Variants in CNTNAP2 observed in about 807,000 individuals in gnomAD.
CNTNAP2 encodes contactin-associated protein-like 2.
CNTNAP2 carries 98 observed loss-of-function variants against 155.2 expected under a neutral mutation model. The ratio of observed to expected loss-of-function variants is 0.63; its 90% confidence interval spans 0.54 to 0.75. The LOEUF (loss-of-function observed/expected upper bound fraction) is 0.75. CNTNAP2 is among the 30% of genes least tolerant of loss of function. The probability of loss-of-function intolerance (pLI) is 0.00; values close to 1 mark genes in which losing one functional copy is unlikely to be tolerated. For missense variants in CNTNAP2, 1,727 were observed against 1,688.1 expected, an observed-to-expected ratio of 1.02 and a Z score of -0.40; for synonymous variants, 651 against 631.2, an observed-to-expected ratio of 1.03 and a Z score of -0.47.
At chr7:147,050,675 C>G (rs770118527) in intron 4 of CNTNAP2, among the ~76,000 whole-genome samples, 18 of 152,166 alleles carry the variant, frequency 1.2e-4, no homozygotes, top group Non-Finnish European at 2.1e-4. Context: ...TCTCATTCTT[C>G]CCAGGCAAGA....
chr7:147,291,533 T>A (rs1805312310), intron 8 of CNTNAP2, among the ~76,000 whole-genome samples: 1 of 152,214 alleles, frequency 6.6e-6, no homozygotes, highest in South Asian at 2.1e-4. Context: ...TTTCCTTGTT[T>A]GAATATATAC....
chr7:146,278,116 C>T (rs1421024840), intron 1 of CNTNAP2, among the ~76,000 whole-genome samples: 7 of 152,200 alleles, frequency 4.6e-5, no homozygotes, highest in African/African-American at 1.7e-4. Flanking sequence ...TGATAAGCAA[C>T]CTCTTGAGAC....
intron 1 of CNTNAP2, among the ~76,000 whole-genome samples, chr7:146,396,080 C>T (rs150446081): frequency 1.1e-4 from 16 of 152,218 alleles, no homozygotes; most frequent in Middle Eastern, 6.8e-3. Flanking sequence ...TCCCCTTCAT[C>T]CCTGCCCTGA....
At chr7:147,291,981 T>C (rs1805323634) in intron 8 of CNTNAP2, among the ~76,000 whole-genome samples, 1 of 152,212 alleles carries the variant, frequency 6.6e-6, no homozygotes, top group Admixed American at 6.5e-5. Flanking sequence ...TAGTATATTT[T>C]AGTATATTCT....
At chr7:147,936,409 A>G (rs1016742226) in intron 14 of CNTNAP2, among the ~76,000 whole-genome samples, 1 of 152,116 alleles carries the variant, frequency 6.6e-6, no homozygotes, top group African/African-American at 2.4e-5. Flanking sequence ...TAATCTGAAG[A>G]CAGAGAAAAA....
chr7:147,949,317 G>C (rs1425669207), intron 14 of CNTNAP2, among the ~76,000 whole-genome samples: 3 of 151,912 alleles, frequency 2.0e-5, no homozygotes, highest in Non-Finnish European at 4.4e-5. Context: ...TTCACAATGA[G>C]TAGGCTGAGG....
intron 13 of CNTNAP2, among the ~76,000 whole-genome samples, chr7:147,736,079 T>G (rs377545000): frequency 0.11 from 13,460 of 127,056 alleles, 1,059 homozygotes; most frequent in Middle Eastern, 0.26. Context: ...ATTAGCTGGT[T>G]ATTTTGCTCG....
intron 1 of CNTNAP2, among the ~76,000 whole-genome samples, chr7:146,758,558 A>C (rs1023141552): frequency 6.6e-6 from 1 of 152,184 alleles, no homozygotes; most frequent in African/African-American, 2.4e-5. Flanking sequence ...GAGGCTTTGC[A>C]ATCATGGCAG....
chr7:146,364,735 T>C (rs1396046594), intron 1 of CNTNAP2, among the ~76,000 whole-genome samples: 1 of 152,222 alleles, frequency 6.6e-6, no homozygotes, highest in Non-Finnish European at 1.5e-5. Context: ...CAAAGATAAT[T>C]AGACACAGCC....
intron 1 of CNTNAP2, among the ~76,000 whole-genome samples, chr7:146,702,964 C>A (rs1217709477): frequency 1.3e-5 from 2 of 152,102 alleles, no homozygotes; most frequent in African/African-American, 4.8e-5. Context: ...ATCTTATATG[C>A]ATATTGAGAG....
At chr7:147,145,084 TAA>T (rs1801674732) in intron 8 of CNTNAP2, among the ~76,000 whole-genome samples, 1 of 152,210 alleles carries the variant, frequency 6.6e-6, no homozygotes, top group Non-Finnish European at 1.5e-5. Context: ...AAACTTGTAT[TAA>T]GTGTTTGATT....
At chr7:148,363,954 C>A (rs1009969086) in intron 21 of CNTNAP2, among the ~76,000 whole-genome samples, 1 of 152,148 alleles carries the variant, frequency 6.6e-6, no homozygotes, top group African/African-American at 2.4e-5. Context: ...AGCACCCGGG[C>A]CAGTGGCTGC....
At chr7:148,094,945 T>C (rs1803930394) in intron 15 of CNTNAP2, among the ~76,000 whole-genome samples, 1 of 152,074 alleles carries the variant, frequency 6.6e-6, no homozygotes. Flanking sequence ...AGTGGCATAG[T>C]GGAGCTCAGA....
chr7:146,919,374 G>A (rs1796454566), intron 3 of CNTNAP2, among the ~76,000 whole-genome samples: 1 of 152,174 alleles, frequency 6.6e-6, no homozygotes, highest in African/African-American at 2.4e-5. Context: ...TCCCATGGGG[G>A]TCCTCCCTTG....
intron 9 of CNTNAP2, among the ~76,000 whole-genome samples, chr7:147,325,579 G>C (rs1196873992): frequency 6.6e-6 from 1 of 152,068 alleles, no homozygotes; most frequent in Non-Finnish European, 1.5e-5. Context: ...TATTATTGCT[G>C]TATAATTATT....
chr7:147,336,582 A>G (rs1795668292), intron 9 of CNTNAP2, among the ~76,000 whole-genome samples: 1 of 152,166 alleles, frequency 6.6e-6, no homozygotes, highest in Admixed American at 6.5e-5. Flanking sequence ...CGTAGGTGGA[A>G]GAGATCTTGG....
At chr7:146,411,156 GA>G (rs1584912699) in intron 1 of CNTNAP2, among the ~76,000 whole-genome samples, 1 of 113,428 alleles carries the variant, frequency 8.8e-6, no homozygotes, top group Middle Eastern at 5.1e-3. Context: ...GAATAGAGTA[GA>G]TTTTTTTTTT....
intron 10 of CNTNAP2, among the ~76,000 whole-genome samples, chr7:147,435,519 C>T (rs1054886399): frequency 6.6e-6 from 1 of 152,220 alleles, no homozygotes; most frequent in Admixed American, 6.5e-5. Flanking sequence ...CAGACAAAAA[C>T]ATTTCTTCAT....
intron 10 of CNTNAP2, among the ~76,000 whole-genome samples, chr7:147,465,896 A>G (rs1306025163): frequency 2.6e-5 from 4 of 151,712 alleles, no homozygotes; most frequent in African/African-American, 9.7e-5. Context: ...ATACAAGTCA[A>G]TATTCAATGG....
Sources: gnomAD v4.1 joint callset for allele counts (sites outside exome capture counted in the v4.1 genomes callset) on GRCh38, gnomAD v4.1.1 for gene constraint, MANE v1.5 for transcripts, NCBI Gene and HGNC (gene_info 2026-07-23, HGNC 2026-07-21) for gene names.